FRAS1: variants seen among roughly 807,000 people sequenced by gnomAD.
FRAS1 encodes Fraser extracellular matrix complex subunit 1.
In FRAS1, 290 loss-of-function variants were observed where a neutral mutation model predicts 435.2. That is an observed-to-expected ratio of 0.67 (90% confidence interval 0.61 to 0.73). The LOEUF (loss-of-function observed/expected upper bound fraction) is 0.73, where lower values mean the gene tolerates loss of function less well. Ranked by LOEUF, FRAS1 falls within the 30% of genes least tolerant of loss-of-function variation. FRAS1 has a pLI of 0.00. For missense variants in FRAS1, 4,860 were observed against 5,001.5 expected, an observed-to-expected ratio of 0.97 and a Z score of 0.85; for synonymous variants, 1,800 against 1,851.0, an observed-to-expected ratio of 0.97 and a Z score of 0.71.
intron 2 of FRAS1, among the ~76,000 whole-genome samples, chr4:78,148,295 A>G (rs1270393746): frequency 6.6e-6 from 1 of 152,240 alleles, no homozygotes; most frequent in Non-Finnish European, 1.5e-5. Context: ...ATTAAGCTCA[A>G]GAAAGGCTGT....
chr4:78,208,692 T>C lies in FRAS1; in HGVS notation c.109-28818T>C, dbSNP rs537411540. ...TTTATTATTAAATAAATAGAACTGG[T>C]TTTCAAAACTTCATTGTTTATTTAC... On this transcript the variant is annotated intron_variant, in intron 2 of 73. Transcript: ENST00000512123. Among the ~76,000 whole-genome samples the C allele has an allele frequency of 4.6e-5, 7 of 152,172 alleles. No homozygotes were observed. The East Asian group carries it at 1.3e-3, about 29-fold the overall frequency.
At chr4:78,520,168 C>A (rs1186696658) in intron 67 of FRAS1, among the ~76,000 whole-genome samples, 3 of 151,976 alleles carry the variant, frequency 2.0e-5, no homozygotes, top group African/African-American at 7.2e-5. Flanking sequence ...CCTACCTCCT[C>A]CTACTGCTTC....
chr4:78,195,140 C>G (rs1038200323), intron 2 of FRAS1, among the ~76,000 whole-genome samples: 3 of 152,166 alleles, frequency 2.0e-5, no homozygotes, highest in Non-Finnish European at 4.4e-5. Context: ...GAAGTTTTGT[C>G]TCAGAGGAGT....
chr4:78,461,070 T>A (rs1392922981), intron 47 of FRAS1, among the ~76,000 whole-genome samples: 1 of 152,224 alleles, frequency 6.6e-6, no homozygotes, highest in East Asian at 1.9e-4. Context: ...CTGCACATAT[T>A]TATGGGTGTC....
At chr4:78,499,302 A>G (rs878918846) in intron 60 of FRAS1, among the ~76,000 whole-genome samples, 1 of 152,196 alleles carries the variant, frequency 6.6e-6, no homozygotes, top group African/African-American at 2.4e-5. Context: ...TAAACCTTTG[A>G]AATTCATATC....
chr4:78,239,946 T>TACTA (rs1560597438), intron 3 of FRAS1, among the ~76,000 whole-genome samples: 1 of 152,238 alleles, frequency 6.6e-6, no homozygotes, highest in East Asian at 1.9e-4. Context: ...TTCTTTTTGA[T>TACTA]ACTAACTACT....
chr4:78,236,361 G>A (rs1724762502), intron 2 of FRAS1, among the ~76,000 whole-genome samples: 1 of 151,556 alleles, frequency 6.6e-6, no homozygotes, highest in Admixed American at 6.6e-5. Context: ...GATTTTTTGG[G>A]AACAGGTGGT....
rs1721544118 is a variant in FRAS1, at chr4:78,526,673, C to G, written c.10925+16C>G. On this transcript the variant is annotated intron_variant, in intron 70 of 73. Coordinates refer to ENST00000512123, the MANE Select transcript of FRAS1 (RefSeq NM_025074.7). ...CCCCAGAAAGGTAGGAAAATATAGT[C>G]AATCCTCATTATTTGTTGATTCCTT... 1.1e-5 allele frequency: 16 copies of G among 1,426,782 alleles called. 1 individual carries two copies. In the East Asian group the frequency reaches 4.0e-4, roughly 36 times the overall value. The allele number at this position is 1,426,782 out of a possible 1,614,324, so 88.4% of individuals were successfully genotyped here. A position where few individuals can be genotyped will look rare whatever the true frequency, so the allele number is the denominator to read the frequency against.
intron 2 of FRAS1, among the ~76,000 whole-genome samples, chr4:78,200,450 T>C (rs1723002018): frequency 6.6e-6 from 1 of 152,210 alleles, no homozygotes; most frequent in Non-Finnish European, 1.5e-5. Context: ...CTGCTGATTA[T>C]TATGAAAGCA....
chr4:78,082,325 A>T (rs1049625418), intron 2 of FRAS1, among the ~76,000 whole-genome samples: 1 of 152,072 alleles, frequency 6.6e-6, no homozygotes, highest in Non-Finnish European at 1.5e-5. Flanking sequence ...TCTTTTACTG[A>T]TCACCCTATT....
chr4:78,133,098 C>T (rs1051350523), intron 2 of FRAS1, among the ~76,000 whole-genome samples: 3 of 152,166 alleles, frequency 2.0e-5, no homozygotes, highest in East Asian at 1.9e-4. Context: ...AATGCATGCC[C>T]AGATTTGGAA....
At chr4:78,096,151 T>A (rs889119483) in intron 2 of FRAS1, among the ~76,000 whole-genome samples, 17 of 152,228 alleles carry the variant, frequency 1.1e-4, no homozygotes, top group African/African-American at 3.6e-4. Context: ...CATACAATTC[T>A]GAAATTCAGC....
intron 2 of FRAS1, among the ~76,000 whole-genome samples, chr4:78,163,021 G>A (rs149176666): frequency 1.0e-3 from 159 of 152,254 alleles, no homozygotes; most frequent in Non-Finnish European, 2.0e-3. Context: ...GGGGCTAGAC[G>A]CCTTCAGTGT....
rs575451599 is a variant in FRAS1, at chr4:78,348,016, C to T, written c.2422+10199C>T. On this transcript the variant is annotated intron_variant, in intron 20 of 73. Coordinates refer to ENST00000512123, the MANE Select transcript of FRAS1 (RefSeq NM_025074.7). ...CAAGATGGCCGAATAGGAACAGCTC[C>T]GGTCTACAGCTCCCAGCGTGAGCGA... 0.041 allele frequency among the ~76,000 whole-genome samples: 306 copies of T among 7,468 alleles called. 145 individuals carry two copies. The African/African-American group carries it at 0.56, about 14-fold the overall frequency. The allele number at this position is 7,468 out of a possible 152,430, so 4.9% of individuals were successfully genotyped here.
intron 2 of FRAS1, among the ~76,000 whole-genome samples, chr4:78,217,422 G>A (rs950885822): frequency 6.6e-6 from 1 of 152,094 alleles, no homozygotes; most frequent in Non-Finnish European, 1.5e-5. Flanking sequence ...TTGTTGGGGG[G>A]CATGTCTGGA....
At chr4:78,068,741 C>T in intron 2 of FRAS1, 1 of 355,800 alleles carries the variant, frequency 2.8e-6, no homozygotes, top group South Asian at 2.2e-5. Flanking sequence ...AACAGCTGTA[C>T]AAGATTGAGA....
Position 78,282,806 on chromosome 4 carries a change from A to G in FRAS1, c.1108-14A>G, listed in dbSNP as rs547415755. 3 of 1,612,982 alleles carry G rather than the reference A, an allele frequency of 1.9e-6. No homozygotes were observed. The highest frequency in any genetic ancestry group is 1.1e-5 in the South Asian group (1 of 90,874). The stretch of plus-strand genomic sequence containing the variant: ...CATCCTGATGACAATGCTGTTCTTC[A>G]CTTTTTTGCGTAGGAGGGAGAGAAG... On this transcript the variant is annotated splice_polypyrimidine_tract_variant and intron_variant, in intron 11 of 73. Transcript: ENST00000512123.
At chr4:78,481,751 C>A in intron 56 of FRAS1, 53 bp from the exon 57 acceptor site, 1 of 1,599,970 alleles carries the variant, frequency 6.3e-7, no homozygotes, top group South Asian at 1.1e-5. Context: ...GAAAACCTCG[C>A]TGATTTTCTG....
intron 14 of FRAS1, among the ~76,000 whole-genome samples, chr4:78,294,787 C>G (rs1219802222): frequency 4.6e-5 from 7 of 152,074 alleles, no homozygotes; most frequent in Non-Finnish European, 1.0e-4. Flanking sequence ...CTATAGCTTT[C>G]CTCCCTCCAT....
Sources: gnomAD v4.1 joint callset for allele counts (sites outside exome capture counted in the v4.1 genomes callset) on GRCh38, gnomAD v4.1.1 for gene constraint, MANE v1.5 for transcripts, NCBI Gene and HGNC (gene_info 2026-07-23, HGNC 2026-07-21) for gene names.